The following GTF2E2 variants were observed in gnomAD, a reference collection of about 807,000 sequenced individuals.
GTF2E2 encodes the protein transcription initiation factor IIE subunit beta.
In GTF2E2, 21 loss-of-function variants were observed where a neutral mutation model predicts 40.5. That is an observed-to-expected ratio of 0.52 (90% CI 0.37 to 0.75). The LOEUF (loss-of-function observed/expected upper bound fraction) is 0.75, where lower values mean the gene tolerates loss of function less well. Among genes scored for constraint, GTF2E2 ranks in the 30% least tolerant of loss-of-function variants. The pLI is 0.00. For synonymous variants in GTF2E2, 117 were observed against 121.6 expected (o/e 0.96, Z 0.25); for missense variants, 298 against 338.4 (o/e 0.88, Z 0.94).
At chr8:30,616,202 G>A (rs1253065253) in intron 3 of GTF2E2, among the ~76,000 whole-genome samples, 1 of 152,082 alleles carries the variant, frequency 6.6e-6, no homozygotes, top group Non-Finnish European at 1.5e-5. Flanking sequence ...AGCACTTTGG[G>A]AAAACGAAGC....
chr8:30,584,091 C>A (rs1220175925), intron 6 of GTF2E2, among the ~76,000 whole-genome samples: 2 of 152,172 alleles, frequency 1.3e-5, no homozygotes, highest in Non-Finnish European at 2.9e-5. Context: ...CAGGCGTGAG[C>A]CACCGTGCCC....
At chr8:30,622,775 T>A (rs2151137044) in intron 3 of GTF2E2, among the ~76,000 whole-genome samples, 1 of 152,186 alleles carries the variant, frequency 6.6e-6, no homozygotes, top group Admixed American at 6.5e-5. Context: ...AATTCAGCGA[T>A]ATTTCTCCCA....
intron 6 of GTF2E2, among the ~76,000 whole-genome samples, chr8:30,598,550 T>G (rs1237317542): frequency 6.6e-6 from 1 of 152,208 alleles, no homozygotes; most frequent in Non-Finnish European, 1.5e-5. Flanking sequence ...CAATAAAACA[T>G]TTATACTTAA....
chr8:30,588,303 G>A (rs978398957), intron 6 of GTF2E2, among the ~76,000 whole-genome samples: 2 of 152,140 alleles, frequency 1.3e-5, no homozygotes, highest in Non-Finnish European at 2.9e-5. Flanking sequence ...TACAACAGTC[G>A]AGATAAAGAC....
chr8:30,596,074 C>T (rs534080991), intron 6 of GTF2E2, among the ~76,000 whole-genome samples: 2 of 152,076 alleles, frequency 1.3e-5, no homozygotes, highest in African/African-American at 4.8e-5. Flanking sequence ...TATTTTCCAT[C>T]TTTCATATTC....
chr8:30,588,970 C>T (rs1364155411), intron 6 of GTF2E2, among the ~76,000 whole-genome samples: 1 of 152,104 alleles, frequency 6.6e-6, no homozygotes, highest in African/African-American at 2.4e-5. Flanking sequence ...AAGTACTGGC[C>T]TGGCCGGGCA....
At chr8:30,637,772 C>A (rs1585992805) in intron 2 of GTF2E2, among the ~76,000 whole-genome samples, 1 of 152,222 alleles carries the variant, frequency 6.6e-6, no homozygotes, top group African/African-American at 2.4e-5. Flanking sequence ...CCACCCAACT[C>A]AGCCTCTCAA....
intron 6 of GTF2E2, among the ~76,000 whole-genome samples, chr8:30,600,591 T>G (rs1352580485): frequency 6.6e-6 from 1 of 152,154 alleles, no homozygotes; most frequent in Non-Finnish European, 1.5e-5. Flanking sequence ...AATCTTTTTT[T>G]AGAGTAAAAA....
intron 6 of GTF2E2, among the ~76,000 whole-genome samples, chr8:30,589,027 G>A (rs1828761930): frequency 6.6e-6 from 1 of 152,136 alleles, no homozygotes; most frequent in Non-Finnish European, 1.5e-5. Flanking sequence ...GCTGAGGGAG[G>A]CGGATCACGA....
At chr8:30,612,591 A>G in intron 4 of GTF2E2, 110 bp from the exon 5 acceptor site, 1 of 524,520 alleles carries the variant, frequency 1.9e-6, no homozygotes, top group Non-Finnish European at 3.2e-6. Flanking sequence ...CAGTGGCGTG[A>G]TCTCAGCTCA....
chr8:30,637,382 TCTA>T (rs1175299218), intron 2 of GTF2E2: 4 of 437,266 alleles, frequency 9.1e-6, no homozygotes, highest in African/African-American at 4.1e-5. Context: ...GTCTCTGGCA[TCTA>T]CTACTAACTC....
chr8:30,583,320 C>T (rs1192107172), intron 6 of GTF2E2, among the ~76,000 whole-genome samples: 2 of 152,130 alleles, frequency 1.3e-5, no homozygotes, highest in African/African-American at 4.8e-5. Flanking sequence ...GGTAACACAG[C>T]GAGACTCCAT....
At chr8:30,617,404 A>G (rs1236325810) in intron 3 of GTF2E2, among the ~76,000 whole-genome samples, 1 of 152,208 alleles carries the variant, frequency 6.6e-6, no homozygotes, top group East Asian at 1.9e-4. Flanking sequence ...CCTTTAGAGC[A>G]GAAGAGCTCC....
Position 30,589,028 on chromosome 8 carries a change from C to T in GTF2E2, c.644-8632G>A, listed in dbSNP as rs190992377. On this transcript the variant is annotated intron_variant, in intron 6 of 7. Transcript: ENST00000355904. The stretch of plus-strand genomic sequence containing the variant: ...CAGCACTTTTGGAGGCTGAGGGAGG[C>T]GGATCACGAGGTCAGGAGTTTGAGA... 4.9e-4 allele frequency among the ~76,000 whole-genome samples: 74 copies of T among 151,814 alleles called. No homozygotes were observed. The East Asian group carries it at 5.8e-3, about 12-fold the overall frequency.
At chr8:30,608,164 C>A (rs905700325) in intron 5 of GTF2E2, among the ~76,000 whole-genome samples, 13 of 152,160 alleles carry the variant, frequency 8.5e-5, no homozygotes, top group African/African-American at 3.1e-4. Context: ...CAAATAGCAG[C>A]ACTCTAGACT....
chr8:30,584,907 C>T (rs1451741638), intron 6 of GTF2E2: 2 of 152,138 alleles, frequency 1.3e-5, no homozygotes, highest in Non-Finnish European at 2.9e-5. Context: ...ATAATACCTG[C>T]CTCGCCGAGC....
intron 2 of GTF2E2, among the ~76,000 whole-genome samples, chr8:30,648,963 G>C (rs764606880): frequency 6.6e-6 from 1 of 152,208 alleles, no homozygotes; most frequent in Non-Finnish European, 1.5e-5. Flanking sequence ...TGTTTGTGGG[G>C]AAGATGAAAT....
At chr8:30,590,043 A>G (rs1828798660) in intron 6 of GTF2E2, among the ~76,000 whole-genome samples, 1 of 152,190 alleles carries the variant, frequency 6.6e-6, no homozygotes, top group Admixed American at 6.5e-5. Flanking sequence ...TCATGCTAAC[A>G]CCACCATGAT....
At chr8:30,595,716 T>C (rs1828981080) in intron 6 of GTF2E2, among the ~76,000 whole-genome samples, 1 of 151,990 alleles carries the variant, frequency 6.6e-6, no homozygotes, top group Non-Finnish European at 1.5e-5. Flanking sequence ...CCTGCAGTCC[T>C]AGCTACTCAG....
Sources: allele counts gnomAD v4.1 joint callset (sites outside exome capture counted in the v4.1 genomes callset), GRCh38; gene constraint gnomAD v4.1.1; transcripts MANE v1.5; gene names NCBI Gene and HGNC (gene_info 2026-07-23, HGNC 2026-07-21).